PCDHGB6: variants seen among roughly 807,000 people sequenced by gnomAD.
The protein encoded by PCDHGB6 is protocadherin gamma subfamily B, 6.
In PCDHGB6, 51 loss-of-function variants were observed where a neutral mutation model predicts 59.1. The observed-to-expected ratio is 0.86, with a 90% CI of 0.69 to 1.09. PCDHGB6 has a LOEUF of 1.09. Among genes scored for constraint, PCDHGB6 ranks in the 50% least tolerant of loss-of-function variants. The pLI is 0.00. For missense variants in PCDHGB6, 1,148 were observed against 1,205.1 expected (o/e 0.95, Z 0.70); for synonymous variants, 466 against 495.1 (o/e 0.94, Z 0.78).
At position 141,476,760 on chromosome 5, in the gene PCDHGB6, C is replaced by A; in HGVS notation, c.2419-18047C>A. The A allele has an allele frequency of 6.2e-7, 1 of 1,613,824 alleles. No homozygotes were observed. Among genetic ancestry groups the A allele is most frequent in the Non-Finnish European group, 8.5e-7 (1 of 1,180,010 alleles). On this transcript the variant is annotated intron_variant, in intron 1 of 3. Coordinates refer to ENST00000520790, the MANE Select transcript of PCDHGB6 (RefSeq NM_018926.3). This position sits in a 1 kb window ranked among gnomAD's most constrained non-coding sequence, Gnocchi z 7.6. ...GAGCCTAGTCTCCAGTTAGTGCTGA[C>A]GGCGTTGGACGGAGGGACCCCAGCT...
chr5:141,426,898 C>G (rs1246109323), intron 1 of PCDHGB6: 3 of 456,634 alleles, frequency 6.6e-6, no homozygotes, highest in Admixed American at 4.7e-5. Context: ...CAACAGAGCT[C>G]TCATCTCCTG....
chr5:141,492,091 C>G (rs930375969), intron 1 of PCDHGB6, among the ~76,000 whole-genome samples: 5 of 152,242 alleles, frequency 3.3e-5, no homozygotes, highest in Non-Finnish European at 5.9e-5. Flanking sequence ...CACGCTTCGC[C>G]GGTCTGTAGA....
rs202006594 is a variant in PCDHGB6, at chr5:141,477,618, C to A, written c.2419-17189C>A. 15 of 1,614,176 alleles carry A rather than the reference C, an allele frequency of 9.3e-6. No homozygotes were observed. The African/African-American group carries it at 1.3e-4, about 14-fold the overall frequency. ...TCTTTCTTTCTCTTGGAGCAAGGAGCTGAAACCGGGCTAGTGGGTCGCTAT... is the reference window on the plus strand; with the variant it reads ...TCTTTCTTTCTCTTGGAGCAAGGAGATGAAACCGGGCTAGTGGGTCGCTAT... On this transcript the variant is annotated intron_variant, in intron 1 of 3. Coordinates refer to ENST00000520790, the MANE Select transcript of PCDHGB6 (RefSeq NM_018926.3). The surrounding 1 kb of genome is among the most constrained non-coding windows in gnomAD (Gnocchi z 4.9).
intron 1 of PCDHGB6, chr5:141,413,959 G>A: frequency 1.9e-6 from 3 of 1,613,372 alleles, no homozygotes; most frequent in Middle Eastern, 3.3e-4. Context: ...TTTGCCTGTG[G>A]GCACTCAGCT....
intron 1 of PCDHGB6, among the ~76,000 whole-genome samples, chr5:141,439,279 CT>C (rs2098102664): frequency 6.6e-6 from 1 of 151,930 alleles, no homozygotes; most frequent in African/African-American, 2.4e-5. Flanking sequence ...CATTCTGAGA[CT>C]GTGTTCCATG....
intron 1 of PCDHGB6, among the ~76,000 whole-genome samples, chr5:141,492,632 C>T (rs1359761285): frequency 1.3e-5 from 2 of 152,256 alleles, no homozygotes; most frequent in Admixed American, 1.3e-4. Context: ...CAGGACTCTA[C>T]GATCCTTGGG....
rs533911183 is a variant in PCDHGB6, at chr5:141,410,085, C to T, written c.1883C>T (p.Thr628Met). ...GGGCTGCGCACTGGGGAGGTGCGCACGGCTCGAGCCTTAGGCGACAGGGAC... is the reference window on the plus strand; with the variant it reads ...GGGCTGCGCACTGGGGAGGTGCGCATGGCTCGAGCCTTAGGCGACAGGGAC... Reference protein sequence around the residue: ...SLGLRTGEVRTARALGDRDAA... With the variant: ...SLGLRTGEVRMARALGDRDAA... The change falls in exon 1 of 4, where the codon ACG becomes ATG. Residue 628 changes from threonine to methionine, a missense_variant. Thr to Met is a moderately conservative substitution (Grantham distance 81). Around this residue, in one of 5 missense-constraint regions of PCDHGB6, gnomAD observed 549 missense variants for 527.5 expected, o/e 1.04. Transcript: ENST00000520790. 1.8e-5 allele frequency: 29 copies of T among 1,612,476 alleles called. No homozygotes were observed. Among genetic ancestry groups the T allele is most frequent in the South Asian group, 1.1e-5 (1 of 91,004 alleles).
intron 2 of PCDHGB6, among the ~76,000 whole-genome samples, chr5:141,504,211 A>G (rs2099836609): frequency 6.6e-6 from 1 of 152,218 alleles, no homozygotes. Flanking sequence ...GGAAAATTCC[A>G]AGTAGAGCTG....
At position 141,409,205 on chromosome 5, in the gene PCDHGB6, A is replaced by T; in HGVS notation, c.1003A>T (p.Ile335Leu). 6.2e-7 allele frequency: 1 copy of T among 1,614,068 alleles called. No individual in the cohort carries two copies. Among genetic ancestry groups the T allele is most frequent in the African/African-American group, 1.3e-5 (1 of 75,064 alleles). Residue 335 changes from isoleucine to leucine, a missense_variant, in exon 1 of 4, where the codon ATA (isoleucine) becomes TTA (leucine). Coordinates refer to ENST00000520790, the MANE Select transcript of PCDHGB6 (RefSeq NM_018926.3). ...TCTCTCTACCCAGTGTAAAGTAATC[A>T]TAGAAATCCTTGATGAAAACGACAA... ...GGLSTQCKVIIEILDENDNSP... is the reference protein window; with the variant it reads ...GGLSTQCKVILEILDENDNSP...
In PCDHGB6 at chr5:141,432,635, G is replaced by T. The variant is rs754354737; in HGVS notation, c.2418+22015G>T. 8.7e-6 allele frequency: 14 copies of T among 1,613,004 alleles called. No individual in the cohort carries two copies. The South Asian group carries it at 1.4e-4, about 16-fold the overall frequency. On this transcript the variant is annotated intron_variant, in intron 1 of 3. Transcript: ENST00000520790. This position sits in a 1 kb window ranked among gnomAD's most constrained non-coding sequence, Gnocchi z 6.0. ...CTCGGTGGGTCTGCACACGGGCGAGGTGCGCACGGCGCGAGCCCTGCTGGA... is the reference window on the plus strand; with the variant it reads ...CTCGGTGGGTCTGCACACGGGCGAGTTGCGCACGGCGCGAGCCCTGCTGGA...
At position 141,410,269 on chromosome 5, in the gene PCDHGB6, G is replaced by A; in HGVS notation, c.2067G>A (p.Gln689=). ...PVLSDPQAEL[Q]FYLVVALALI... is the part of the protein sequence containing the mutation. ...TCTCTGACCCCCAGGCTGAACTGCA[G>A]TTTTACCTGGTGGTGGCCTTGGCCT... Residue 689 remains glutamine, a synonymous_variant, in exon 1 of 4, where the codon CAG becomes CAA. Coordinates refer to ENST00000520790, the MANE Select transcript of PCDHGB6 (RefSeq NM_018926.3). The A allele has an allele frequency of 6.2e-7, 1 of 1,614,060 alleles. No homozygotes were observed. Among genetic ancestry groups the A allele is most frequent in the Non-Finnish European group, 8.5e-7 (1 of 1,179,908 alleles).
In PCDHGB6 at chr5:141,409,824, C is replaced by T. The variant is rs1265260597; in HGVS notation, c.1622C>T (p.Thr541Met). 1 of 1,610,860 alleles carries T rather than the reference C, an allele frequency of 6.2e-7. No homozygotes were observed. The highest frequency in any genetic ancestry group is 8.5e-7 in the Non-Finnish European group (1 of 1,178,848). Reference protein sequence around the residue: ...TLQARDHGSPTLSANVSLRVL... With the variant: ...TLQARDHGSPMLSANVSLRVL... ...CAGGCCCGCGACCACGGCTCGCCCA[C>T]GCTCAGCGCCAACGTGAGCCTGCGC... The change falls in exon 1 of 4, where the codon ACG becomes ATG. Residue 541 changes from threonine to methionine, a missense_variant. Coordinates refer to ENST00000520790, the MANE Select transcript of PCDHGB6 (RefSeq NM_018926.3).
At chr5:141,418,898 A>G (rs768409383) in intron 1 of PCDHGB6, 2 of 1,614,016 alleles carry the variant, frequency 1.2e-6, no homozygotes, top group South Asian at 2.2e-5. Flanking sequence ...CAGCCCAGAA[A>G]TAATCATCAC....
At chr5:141,460,368 G>A (rs1005554535) in intron 1 of PCDHGB6, among the ~76,000 whole-genome samples, 1 of 152,050 alleles carries the variant, frequency 6.6e-6, no homozygotes. Context: ...AAGTTTTATA[G>A]TTTTACCATT....
chr5:141,484,962 G>A (rs2099604361), intron 1 of PCDHGB6: 1 of 577,858 alleles, frequency 1.7e-6, no homozygotes, highest in Non-Finnish European at 3.1e-6. Flanking sequence ...GGCTGAGCCC[G>A]GGAGCCGCTG....
intron 1 of PCDHGB6, among the ~76,000 whole-genome samples, chr5:141,468,041 T>C (rs972340736): frequency 4.6e-5 from 7 of 152,120 alleles, no homozygotes; most frequent in Admixed American, 3.9e-4. Flanking sequence ...TTTAGAAAAC[T>C]AAGCCGGGCA....
At position 141,494,925 on chromosome 5, in the gene PCDHGB6, G is replaced by A. The variant is rs936071950; in HGVS notation, c.2477+60G>A. On this transcript the variant is annotated intron_variant, in intron 2 of 3. Coordinates refer to ENST00000520790, the MANE Select transcript of PCDHGB6 (RefSeq NM_018926.3). ...TGCGGCATTTTCTCAGGGATGACGT[G>A]GGAGGAGATGGGGGAGGGCCCAGCA... is the stretch of plus-strand genomic sequence containing the variant. The A allele has an allele frequency of 3.3e-4, 525 of 1,613,316 alleles. 2 individuals carry two copies. Among genetic ancestry groups the A allele is most frequent in the Admixed American group, 4.7e-4 (28 of 59,956 alleles).
intron 2 of PCDHGB6, among the ~76,000 whole-genome samples, chr5:141,502,828 G>T (rs928458403): frequency 6.6e-6 from 1 of 150,704 alleles, no homozygotes; most frequent in Non-Finnish European, 1.5e-5. Context: ...CCTTGGGGAA[G>T]CCTGGACTGG....
At position 141,410,535 on chromosome 5, in the gene PCDHGB6, A is replaced by T. The variant is rs2095405545; in HGVS notation, c.2333A>T (p.Asp778Val). ...AGTGTGCCCCTACATTCCAATGAAG[A>T]CATGGTTTGCAGTGTTTCTCCTGGA... ...KCSVPLHSNE[D>V]MVCSVSPGAL... The change falls in exon 1 of 4, where the codon GAC becomes GTC. Residue 778 changes from aspartate (D) to valine (V), a missense_variant. Asp to Val is a radical substitution (Grantham distance 152). Transcript: ENST00000520790. 9 of 1,613,752 alleles carry T rather than the reference A, an allele frequency of 5.6e-6. No homozygotes were observed. The highest frequency in any genetic ancestry group is 7.6e-6 in the Non-Finnish European group (9 of 1,179,906).
Sources: allele counts gnomAD v4.1 joint callset (sites outside exome capture counted in the v4.1 genomes callset), GRCh38; gene constraint gnomAD v4.1.1; regional missense constraint gnomAD v4.1.1; non-coding constraint Gnocchi (gnomAD v3.1); transcripts MANE v1.5; gene names NCBI Gene and HGNC (gene_info 2026-07-23, HGNC 2026-07-21).